STK4: variants seen among roughly 807,000 people sequenced by gnomAD.
STK4 encodes the protein serine/threonine kinase 4.
A neutral mutation model predicts 64.9 loss-of-function variants in STK4; 30 were observed. The ratio of observed to expected loss-of-function variants is 0.46; its 90% CI spans 0.35 to 0.63. The LOEUF (loss-of-function observed/expected upper bound fraction) is 0.63. Among genes scored for constraint, STK4 ranks in the 20% least tolerant of loss-of-function variants. The pLI is 0.01. For missense variants in STK4, 466 were observed against 598.5 expected (o/e 0.78, Z 2.31); for synonymous variants, 177 against 199.0 (o/e 0.89, Z 0.93).
Position 44,987,139 on chromosome 20 carries a change from A to G in STK4, c.368A>G (p.Glu123Gly). 1 of 1,585,906 alleles carries G rather than the reference A, an allele frequency of 6.3e-7. No homozygotes were observed. The highest frequency in any genetic ancestry group is 1.2e-5 in the South Asian group (1 of 86,794). Reference sequence around the variant, plus strand: ...TTCTTATTCTTTTTTCAGTTAACAGAAGATGAAATAGCTACAATATTACAA... The same window carrying G: ...TTCTTATTCTTTTTTCAGTTAACAGGAGATGAAATAGCTACAATATTACAA... ...IIRLRNKTLT[E>G]DEIATILQST... Residue 123 changes from glutamate (E) to glycine (G), a missense_variant, in exon 5 of 11, where the codon GAA (glutamate) becomes GGA (glycine). By Grantham distance (98) the Glu-to-Gly change is moderately conservative (BLOSUM62 -2). This residue lies in a region of STK4 where 190 missense variants were observed against 289.7 expected (regional missense o/e 0.66). Transcript: ENST00000372806.
chr20:45,041,677 G>C (rs993699830), intron 10 of STK4, among the ~76,000 whole-genome samples: 1 of 136,980 alleles, frequency 7.3e-6, no homozygotes. Context: ...TGTTTTAAGC[G>C]TGTTTAGCTT....
intron 7 of STK4, 82 bp from the exon 8 acceptor site, chr20:45,000,310 C>A: frequency 6.7e-7 from 1 of 1,491,574 alleles, no homozygotes; most frequent in Non-Finnish European, 9.0e-7. Context: ...ACATGTTATC[C>A]AGTACCTACT....
At chr20:45,004,754 CCTTTTTTTTTTT>C (rs2067904875) in intron 9 of STK4, among the ~76,000 whole-genome samples, 3 of 149,986 alleles carry the variant, frequency 2.0e-5, no homozygotes, top group Middle Eastern at 3.4e-3. Flanking sequence ...CTTTTTTTCT[CCTTTTTTTTTTT>C]CTTTTTTCTT....
In STK4 at chr20:44,997,267, G is replaced by A; in HGVS notation, c.792G>A (p.Lys264=). The A allele has an allele frequency of 1.2e-6, 2 of 1,612,404 alleles. No homozygotes were observed. Among genetic ancestry groups the A allele is most frequent in the East Asian group, 2.2e-5 (1 of 44,872 alleles). The part of the protein sequence containing the change: ...FTDFVKQCLV[K]SPEQRATATQ... The stretch of plus-strand genomic sequence containing the variant: ...ATTTTGTGAAACAGTGTCTTGTAAA[G>A]AGCCCTGAGCAGAGGGCCACAGCCA... Residue 264 remains lysine (K), a synonymous_variant, in exon 7 of 11, where the codon AAG becomes AAA. Transcript: ENST00000372806.
chr20:44,971,006 A>T (rs1338255827), intron 1 of STK4, among the ~76,000 whole-genome samples: 1 of 146,338 alleles, frequency 6.8e-6, no homozygotes, highest in Non-Finnish European at 1.5e-5. Flanking sequence ...CAGTGTGACT[A>T]CTTCCATATT....
intron 10 of STK4, among the ~76,000 whole-genome samples, chr20:45,037,185 A>G (rs1359931065): frequency 6.6e-6 from 1 of 152,122 alleles, no homozygotes; most frequent in Non-Finnish European, 1.5e-5. Context: ...GAAGGCACCA[A>G]TAAGTGTCAT....
At position 44,978,548 on chromosome 20, in the gene STK4, C is replaced by A; in HGVS notation, c.222C>A (p.Ile74=). 6.2e-7 allele frequency: 1 copy of A among 1,613,956 alleles called. No homozygotes were observed. Among genetic ancestry groups the A allele is most frequent in the Non-Finnish European group, 8.5e-7 (1 of 1,179,968 alleles). ...ACCTCCAGGAGATAATCAAAGAAAT[C>A]TCTATAATGCAGCAATGTGACAGGT... ...ESDLQEIIKE[I]SIMQQCDSPH... The change falls in exon 3 of 11, where the codon ATC becomes ATA. Residue 74 remains isoleucine (I), a synonymous_variant. Transcript: ENST00000372806.
In STK4 at chr20:45,001,244, C is replaced by T. The variant is rs1434319888; in HGVS notation, c.1038C>T (p.Thr346=). The T allele has an allele frequency of 6.2e-7, 1 of 1,614,126 alleles. No individual in the cohort carries two copies. Among genetic ancestry groups the T allele is most frequent in the Non-Finnish European group, 8.5e-7 (1 of 1,180,020 alleles). The stretch of plus-strand genomic sequence containing the variant: ...TGGGCACTGTCCGAGTAGCCAGCAC[C>T]ATGACTGATGGAGCCAATACTATGA... ...DEMGTVRVAS[T]MTDGANTMIE... is the part of the protein sequence containing the mutation. Residue 346 remains threonine, a synonymous_variant, in exon 9 of 11, where the codon ACC becomes ACT. Coordinates refer to ENST00000372806, the MANE Select transcript of STK4 (RefSeq NM_006282.5).
At chr20:45,012,894 C>G (rs1174494536) in intron 9 of STK4, among the ~76,000 whole-genome samples, 1 of 148,524 alleles carries the variant, frequency 6.7e-6, no homozygotes, top group African/African-American at 2.5e-5. Context: ...AGCAATCCTC[C>G]TGCCTCAGCC....
intron 10 of STK4, among the ~76,000 whole-genome samples, chr20:45,062,681 C>T (rs923724863): frequency 4.6e-5 from 7 of 151,746 alleles, no homozygotes; most frequent in Admixed American, 2.6e-4. Flanking sequence ...TGTTTTGAGA[C>T]GGAGTCTCGC....
intron 3 of STK4, 148 bp from the exon 4 acceptor site, chr20:44,981,681 C>T: frequency 2.0e-6 from 1 of 509,548 alleles, no homozygotes; most frequent in Non-Finnish European, 3.5e-6. Flanking sequence ...TACCATTTTG[C>T]ATTCTTATCA....
chr20:45,040,275 A>G (rs1278127141), intron 10 of STK4, among the ~76,000 whole-genome samples: 2 of 152,198 alleles, frequency 1.3e-5, no homozygotes, highest in East Asian at 3.9e-4. Flanking sequence ...AGATAATCTC[A>G]GGTACAATGT....
intron 10 of STK4, among the ~76,000 whole-genome samples, chr20:45,050,896 TTAATC>T (rs2145437781): frequency 6.6e-6 from 1 of 152,330 alleles, no homozygotes; most frequent in South Asian, 2.1e-4. Context: ...TTCTCAATAT[TTAATC>T]TATCATGTAT....
chr20:45,061,978 C>G (rs996925518), intron 10 of STK4, among the ~76,000 whole-genome samples: 3 of 146,470 alleles, frequency 2.0e-5, no homozygotes, highest in African/African-American at 7.6e-5. Flanking sequence ...CTCTTGAGTT[C>G]AAGCAATTCT....
intron 5 of STK4, among the ~76,000 whole-genome samples, chr20:44,987,984 T>A (rs202175247): frequency 9.8e-4 from 149 of 152,026 alleles, no homozygotes; most frequent in South Asian, 4.4e-3. Context: ...TTTTATTATT[T>A]TTTTTTTATT....
chr20:45,020,025 C>A (rs966241048), intron 9 of STK4, among the ~76,000 whole-genome samples: 2 of 152,128 alleles, frequency 1.3e-5, no homozygotes, highest in African/African-American at 4.8e-5. Flanking sequence ...TGTCAAGAAT[C>A]TTTATTTTGA....
intron 10 of STK4, among the ~76,000 whole-genome samples, chr20:45,061,370 T>G (rs1978983548): frequency 6.6e-6 from 1 of 152,122 alleles, no homozygotes; most frequent in African/African-American, 2.4e-5. Context: ...ATTCCAGAAA[T>G]AAACAATTCA....
At chr20:45,001,115 C>A in intron 8 of STK4, 52 bp from the exon 9 acceptor site, 1 of 1,555,920 alleles carries the variant, frequency 6.4e-7, no homozygotes, top group Non-Finnish European at 8.8e-7. Flanking sequence ...ATTCAGAAAA[C>A]TCAAAGTCTT....
intron 9 of STK4, among the ~76,000 whole-genome samples, chr20:45,016,127 G>T (rs923727009): frequency 6.6e-6 from 1 of 152,184 alleles, no homozygotes; most frequent in African/African-American, 2.4e-5. Flanking sequence ...CGAGAAGAGA[G>T]AGGGAGGCTC....
Sources: allele counts gnomAD v4.1 joint callset (sites outside exome capture counted in the v4.1 genomes callset), GRCh38; gene constraint gnomAD v4.1.1; regional missense constraint gnomAD v4.1.1; transcripts MANE v1.5; gene names NCBI Gene and HGNC (gene_info 2026-07-23, HGNC 2026-07-21).